The following ZNF644 variants were observed in gnomAD, a reference collection of about 807,000 sequenced individuals.
The protein encoded by ZNF644 is zinc finger motif enhancer binding protein 2.
ZNF644 carries 20 observed loss-of-function variants against 108.0 expected under a neutral mutation model. The ratio of observed to expected loss-of-function variants is 0.19; its 90% confidence interval spans 0.13 to 0.27. The LOEUF is 0.27. Ranked by LOEUF, ZNF644 falls within the 10% of genes least tolerant of loss-of-function variation. The pLI, the probability that ZNF644 is intolerant of heterozygous loss-of-function variation, is 1.00. For synonymous variants in ZNF644, 542 were observed against 539.1 expected (o/e 1.01, Z -0.08); for missense variants, 1,338 against 1,548.9 (o/e 0.86, Z 2.29).
At position 90,983,724 on chromosome 1, in the gene ZNF644, C is replaced by T. The variant is rs563931509; in HGVS notation, c.-17-1354G>A. 2.8e-3 allele frequency among the ~76,000 whole-genome samples: 429 copies of T among 152,170 alleles called. 3 individuals are homozygous for T. The highest frequency in any genetic ancestry group is 9.8e-3 in the African/African-American group (408 of 41,516). On this transcript the variant is annotated intron_variant, in intron 1 of 5. Transcript: ENST00000337393. ...GGCAGATCACCTGAGGTCAGGAGTT[C>T]GAAACCAGCCTGGCCAACATGGTGA...
chr1:90,941,364 A>G (rs772472420), intron 2 of ZNF644, 55 bp from the exon 3 acceptor site: 19 of 1,477,012 alleles, frequency 1.3e-5, no homozygotes, highest in Non-Finnish European at 1.8e-5. Flanking sequence ...ATACTATTAG[A>G]ATGTATGGAG....
At chr1:90,976,331 C>G (rs1044202221) in intron 2 of ZNF644, among the ~76,000 whole-genome samples, 3 of 152,178 alleles carry the variant, frequency 2.0e-5, no homozygotes, top group Admixed American at 1.3e-4. Context: ...TGTACTATAA[C>G]TAGTTGCATG....
intron 2 of ZNF644, among the ~76,000 whole-genome samples, chr1:90,951,180 A>G (rs554697308): frequency 6.6e-6 from 1 of 152,354 alleles, no homozygotes; most frequent in South Asian, 2.1e-4. Flanking sequence ...ATCTGGTATT[A>G]GTACAAGGAC....
At chr1:90,999,345 C>T (rs1658512176) in intron 1 of ZNF644, among the ~76,000 whole-genome samples, 2 of 152,140 alleles carry the variant, frequency 1.3e-5, no homozygotes, top group Non-Finnish European at 2.9e-5. Context: ...GTGGATCTCT[C>T]GGCAGAAACT....
intron 1 of ZNF644, among the ~76,000 whole-genome samples, chr1:91,013,427 C>T (rs1359009459): frequency 6.7e-6 from 1 of 149,746 alleles, no homozygotes; most frequent in Non-Finnish European, 1.5e-5. Flanking sequence ...AGGCACCCTC[C>T]AATATATATT....
intron 2 of ZNF644, among the ~76,000 whole-genome samples, chr1:90,963,632 T>C (rs930316927): frequency 1.3e-5 from 2 of 152,148 alleles, no homozygotes; most frequent in Admixed American, 1.3e-4. Flanking sequence ...TGACAAAATT[T>C]CTAACTCTCA....
rs763370734 is a variant in ZNF644 at position 90,918,168 on chromosome 1, G to C, written c.3689-14C>G. ...TACAATCTAAGGCTAAAAAGGGGAA[G>C]AGAAAGACTTAACATTCCTTATATA... On this transcript the variant is annotated splice_polypyrimidine_tract_variant and intron_variant, in intron 4 of 5. Transcript: ENST00000337393. 1.9e-6 allele frequency: 3 copies of C among 1,598,900 alleles called. No homozygotes were observed. Among genetic ancestry groups the C allele is most frequent in the African/African-American group, 1.3e-5 (1 of 74,700 alleles).
chr1:91,021,977 C>A lies in ZNF644; in HGVS notation c.-18+13G>T. 1 of 398,972 alleles carries A rather than the reference C, an allele frequency of 2.5e-6. No individual in the cohort carries two copies. Among genetic ancestry groups the A allele is most frequent in the Non-Finnish European group, 4.4e-6 (1 of 226,020 alleles). 24.7% of individuals were successfully genotyped at this position (398,972 alleles called of 1,614,324 possible). A position where few individuals can be genotyped will look rare whatever the true frequency, so the allele number is the denominator to read the frequency against. ...GTCCCAGCGAATCTGACCAAATAACCCCTGAAACTCACAGTTTGGTGCCGT... is the reference window on the plus strand; with the variant it reads ...GTCCCAGCGAATCTGACCAAATAACACCTGAAACTCACAGTTTGGTGCCGT... On this transcript the variant is annotated intron_variant, in intron 1 of 5. Coordinates refer to ENST00000337393, the MANE Select transcript of ZNF644 (RefSeq NM_201269.3).
chr1:90,934,175 T>G (rs1651069644), intron 4 of ZNF644, among the ~76,000 whole-genome samples: 1 of 152,212 alleles, frequency 6.6e-6, no homozygotes, highest in South Asian at 2.1e-4. Context: ...TCCAGTAGAC[T>G]AAAACTCACC....
chr1:90,957,602 C>T (rs989509918), intron 2 of ZNF644, among the ~76,000 whole-genome samples: 3 of 152,022 alleles, frequency 2.0e-5, no homozygotes. Flanking sequence ...AAGCAAAACA[C>T]TCAGCAAATG....
intron 1 of ZNF644, among the ~76,000 whole-genome samples, chr1:91,013,564 C>G (rs539786783): frequency 6.6e-6 from 1 of 151,988 alleles, no homozygotes; most frequent in African/African-American, 2.4e-5. Flanking sequence ...TGGTATCAAA[C>G]TGTATTTGCT....
rs763949118 is a variant in ZNF644, at chr1:90,937,788, G to A, written c.3385C>T (p.Arg1129Cys). 3.5e-5 allele frequency: 57 copies of A among 1,613,626 alleles called. No individual in the cohort carries two copies. The highest frequency in any genetic ancestry group is 1.6e-4 in the Middle Eastern group (1 of 6,082). ...AGAGCTTCAGTCTTTAGGCCATTAC[G>A]GTATGCTTCAAGAGGTATAACATTT... ...SQNVIPLEAY[R>C]NGLKTEALSV... The change falls in exon 4 of 6, where the codon CGT becomes TGT. Residue 1129 changes from arginine to cysteine, a missense_variant. This residue lies in a region of ZNF644 where 287 missense variants were observed against 310.9 expected (regional missense o/e 0.92). Coordinates refer to ENST00000337393, the MANE Select transcript of ZNF644 (RefSeq NM_201269.3).
At chr1:90,944,556 G>A (rs1345240465) in intron 2 of ZNF644, among the ~76,000 whole-genome samples, 2 of 149,688 alleles carry the variant, frequency 1.3e-5, no homozygotes, top group Admixed American at 1.3e-4. Flanking sequence ...GTTACCTTCT[G>A]CATCAGTTTG....
chr1:90,992,795 C>A (rs1247704859), intron 1 of ZNF644, among the ~76,000 whole-genome samples: 1 of 152,130 alleles, frequency 6.6e-6, no homozygotes, highest in Non-Finnish European at 1.5e-5. Context: ...GCCTGTAATC[C>A]CAGCACTTTG....
chr1:91,020,875 A>C (rs1660845338), intron 1 of ZNF644: 1 of 152,228 alleles, frequency 6.6e-6, no homozygotes, highest in Non-Finnish European at 1.5e-5. Flanking sequence ...TTAACAAGAC[A>C]AGACCATCAT....
chr1:90,981,472 T>C (rs1211624290), intron 2 of ZNF644, among the ~76,000 whole-genome samples: 1 of 151,932 alleles, frequency 6.6e-6, no homozygotes, highest in African/African-American at 2.4e-5. Context: ...CTTTTCATCC[T>C]AGACTTTTTT....
At chr1:90,982,392 A>G in intron 1 of ZNF644, 22 bp from the exon 2 acceptor site, 2 of 1,587,370 alleles carry the variant, frequency 1.3e-6, no homozygotes, top group South Asian at 2.2e-5. Flanking sequence ...ACACACAATG[A>G]CCAAGGTTTA....
chr1:90,942,403 T>G (rs1040086481), intron 2 of ZNF644, among the ~76,000 whole-genome samples: 8 of 152,272 alleles, frequency 5.3e-5, no homozygotes, highest in African/African-American at 1.7e-4. Flanking sequence ...TTGCAACCTG[T>G]TTTTTTCCTG....
chr1:90,944,928 T>C (rs376858414), intron 2 of ZNF644, among the ~76,000 whole-genome samples: 6 of 152,184 alleles, frequency 3.9e-5, no homozygotes, highest in Admixed American at 1.3e-4. Flanking sequence ...GAATAATTGA[T>C]ACAGAATTTT....
Sources: allele counts gnomAD v4.1 joint callset (sites outside exome capture counted in the v4.1 genomes callset), GRCh38; gene constraint gnomAD v4.1.1; regional missense constraint gnomAD v4.1.1; transcripts MANE v1.5; gene names NCBI Gene and HGNC (gene_info 2026-07-23, HGNC 2026-07-21).